Variants in FGF14 observed in about 807,000 individuals in gnomAD.
The protein encoded by FGF14 is fibroblast growth factor homologous factor 4.
In FGF14, 5 loss-of-function variants were observed where a neutral mutation model predicts 25.5. The ratio of observed to expected loss-of-function variants is 0.20; its 90% CI spans 0.10 to 0.41. The LOEUF (loss-of-function observed/expected upper bound fraction) is 0.41. Among genes scored for constraint, FGF14 ranks in the 10% least tolerant of loss-of-function variants. FGF14 has a pLI of 1.00. For synonymous variants in FGF14, 138 were observed against 118.3 expected, an observed-to-expected ratio of 1.17 and a Z score of -1.08; for missense variants, 222 against 320.1, an observed-to-expected ratio of 0.69 and a Z score of 2.34.
At chr13:102,063,676 A>C (rs1366499642) in intron 1 of FGF14, among the ~76,000 whole-genome samples, 1 of 152,176 alleles carries the variant, frequency 6.6e-6, no homozygotes, top group Non-Finnish European at 1.5e-5. Flanking sequence ...TCATGAAAAA[A>C]AGAATGTCTT....
intron 1 of FGF14, among the ~76,000 whole-genome samples, chr13:101,975,977 G>A (rs944238426): frequency 1.3e-5 from 2 of 152,222 alleles, no homozygotes; most frequent in Non-Finnish European, 2.9e-5. Context: ...GAAGCATTTG[G>A]AACCTTAAGC....
intron 1 of FGF14, among the ~76,000 whole-genome samples, chr13:102,373,255 A>G (rs1009597180): frequency 9.2e-5 from 14 of 152,126 alleles, no homozygotes; most frequent in Non-Finnish European, 1.6e-4. Context: ...AGCCTTCACT[A>G]TTCCACTCAA....
chr13:102,068,975 C>A (rs530706619), intron 1 of FGF14, among the ~76,000 whole-genome samples: 15 of 152,260 alleles, frequency 9.9e-5, no homozygotes, highest in African/African-American at 3.1e-4. Flanking sequence ...ATGTCTAGCT[C>A]GGGATTGTAA....
At chr13:101,810,191 T>G (rs2041422921) in intron 3 of FGF14, among the ~76,000 whole-genome samples, 1 of 152,170 alleles carries the variant, frequency 6.6e-6, no homozygotes, top group Non-Finnish European at 1.5e-5. Flanking sequence ...TAAGCCATAG[T>G]GTTTTCTAGT....
chr13:101,732,410 C>T (rs537979349), intron 3 of FGF14, among the ~76,000 whole-genome samples: 1 of 152,128 alleles, frequency 6.6e-6, no homozygotes, highest in Non-Finnish European at 1.5e-5. Context: ...ATATTAGACA[C>T]AAGTAGCAAA....
At position 102,199,778 on chromosome 13, in the gene FGF14, C is replaced by T. The variant is rs1427298516; in HGVS notation, c.208+201693G>A. 3.9e-5 allele frequency among the ~76,000 whole-genome samples: 6 copies of T among 152,142 alleles called. No individual in the cohort carries two copies. In the South Asian group the frequency reaches 8.3e-4, roughly 21 times the overall value. On this transcript the variant is annotated intron_variant, in intron 1 of 4. Transcript: ENST00000376131. ...GAAAAATCCAAACTCACACATCCTT[C>T]GCATTCACAATTTTCTTCTTTCTCA...
At chr13:101,812,175 T>C (rs558778318) in intron 3 of FGF14, among the ~76,000 whole-genome samples, 65 of 152,298 alleles carry the variant, frequency 4.3e-4, no homozygotes, top group Non-Finnish European at 7.1e-4. Context: ...CAGGAAGCTA[T>C]GTGATAGCAT....
intron 1 of FGF14, among the ~76,000 whole-genome samples, chr13:102,025,102 T>G (rs577500063): frequency 1.3e-5 from 2 of 151,780 alleles, no homozygotes; most frequent in Non-Finnish European, 1.5e-5. Context: ...TGGTTTGTAG[T>G]AATTTTTGAG....
intron 1 of FGF14, among the ~76,000 whole-genome samples, chr13:102,095,802 T>C (rs896197878): frequency 2.6e-5 from 4 of 152,142 alleles, no homozygotes; most frequent in African/African-American, 9.7e-5. Context: ...ATACAAAACA[T>C]ATACAAAATA....
At chr13:102,318,314 A>G (rs2056113620) in intron 1 of FGF14, among the ~76,000 whole-genome samples, 1 of 152,190 alleles carries the variant, frequency 6.6e-6, no homozygotes. Flanking sequence ...GCGTATCCTC[A>G]GCCTTAGAGC....
intron 1 of FGF14, among the ~76,000 whole-genome samples, chr13:102,269,425 T>C (rs2053143221): frequency 6.6e-6 from 1 of 152,240 alleles, no homozygotes; most frequent in African/African-American, 2.4e-5. Context: ...TTGTCATCTC[T>C]TATAAAAACA....
At chr13:101,969,437 TTTCTGGCTG>T (rs1277669313) in intron 1 of FGF14, among the ~76,000 whole-genome samples, 5 of 152,150 alleles carry the variant, frequency 3.3e-5, no homozygotes, top group African/African-American at 1.2e-4. Context: ...TAGTCTAGTG[TTTCTGGCTG>T]TTAGTCATTG....
chr13:102,260,656 G>A (rs1255170264), intron 1 of FGF14, among the ~76,000 whole-genome samples: 1 of 152,224 alleles, frequency 6.6e-6, no homozygotes, highest in Non-Finnish European at 1.5e-5. Flanking sequence ...GAGGCAAAAC[G>A]GGCATCAGGA....
chr13:101,920,182 C>G (rs938323920), upstream of FGF14, among the ~76,000 whole-genome samples: 1 of 152,104 alleles, frequency 6.6e-6, no homozygotes, highest in South Asian at 2.1e-4. Context: ...AATTCAGGGC[C>G]GGTGAACACA....
At chr13:101,923,223 C>T (rs1441355657) in intron 1 of FGF14, among the ~76,000 whole-genome samples, 1 of 151,938 alleles carries the variant, frequency 6.6e-6, no homozygotes, top group East Asian at 1.9e-4. Context: ...ACATGGTTTC[C>T]TTTGTGAATC....
chr13:102,395,237 A>AT (rs3215971), intron 1 of FGF14: 46,572 of 152,118 alleles, frequency 0.31, 7,711 homozygotes, highest in African/African-American at 0.42. Flanking sequence ...GAGGGAGTTT[A>AT]TTTTTTGCGG....
At chr13:102,239,758 T>G (rs2051502395) in intron 1 of FGF14, among the ~76,000 whole-genome samples, 1 of 152,204 alleles carries the variant, frequency 6.6e-6, no homozygotes, top group African/African-American at 2.4e-5. Flanking sequence ...CTTTTCTTAC[T>G]GCAACCCTTC....
intron 1 of FGF14, among the ~76,000 whole-genome samples, chr13:101,881,215 T>A (rs1026495501): frequency 2.0e-5 from 3 of 152,152 alleles, no homozygotes; most frequent in Non-Finnish European, 4.4e-5. Flanking sequence ...GAATATCCAG[T>A]GTATATAAAC....
At chr13:101,963,939 A>T (rs2037025634) in intron 1 of FGF14, among the ~76,000 whole-genome samples, 1 of 152,210 alleles carries the variant, frequency 6.6e-6, no homozygotes, top group African/African-American at 2.4e-5. Context: ...GAGTTGAAAC[A>T]CTTTGTGTGA....
Sources: allele counts gnomAD v4.1 joint callset (sites outside exome capture counted in the v4.1 genomes callset), GRCh38; gene constraint gnomAD v4.1.1; transcripts MANE v1.5; gene names NCBI Gene and HGNC (gene_info 2026-07-23, HGNC 2026-07-21).